The following SIK2 variants were observed in gnomAD, a reference collection of about 807,000 sequenced individuals.
SIK2 encodes salt inducible kinase 2.
In SIK2, 29 loss-of-function variants were observed where a neutral mutation model predicts 103.2. That is an observed-to-expected ratio of 0.28 (90% CI 0.21 to 0.38). The LOEUF (loss-of-function observed/expected upper bound fraction) is 0.38, where lower values mean the gene tolerates loss of function less well. Among genes scored for constraint, SIK2 ranks in the 10% least tolerant of loss-of-function variants. The pLI is 1.00. For missense variants in SIK2, 879 were observed against 1,171.0 expected (o/e 0.75, Z 3.64); for synonymous variants, 412 against 446.1 (o/e 0.92, Z 0.96).
In SIK2 at chr11:111,696,278, G is replaced by A. The variant is rs183105186; in HGVS notation, c.479-4608G>A. On this transcript the variant is annotated intron_variant, in intron 4 of 14. Transcript: ENST00000304987. ...TGTGACAAAACTCATGAAATGTTAAGTCTGTAGTTTAATTAATAGTAGTGA... is the reference window on the plus strand; with the variant it reads ...TGTGACAAAACTCATGAAATGTTAAATCTGTAGTTTAATTAATAGTAGTGA... 2.0e-3 allele frequency among the ~76,000 whole-genome samples: 306 copies of A among 152,290 alleles called. 3 individuals carry two copies. Among genetic ancestry groups the A allele is most frequent in the African/African-American group, 7.1e-3 (295 of 41,572 alleles).
At chr11:111,665,260 A>C (rs1942520848) in intron 3 of SIK2, among the ~76,000 whole-genome samples, 1 of 151,966 alleles carries the variant, frequency 6.6e-6, no homozygotes, top group South Asian at 2.1e-4. Context: ...AGCCTGGGCA[A>C]CATGGCGAAA....
intron 1 of SIK2, among the ~76,000 whole-genome samples, chr11:111,608,468 T>C (rs1941677087): frequency 6.6e-6 from 1 of 152,180 alleles, no homozygotes; most frequent in African/African-American, 2.4e-5. Flanking sequence ...TTACTTCCAC[T>C]CTCCAGACCC....
intron 4 of SIK2, among the ~76,000 whole-genome samples, chr11:111,697,153 A>G (rs1943095846): frequency 6.6e-6 from 1 of 152,238 alleles, no homozygotes; most frequent in African/African-American, 2.4e-5. Context: ...GCAACTTAGT[A>G]GCTAGCTGTA....
chr11:111,666,826 A>G (rs1352468054), intron 3 of SIK2, among the ~76,000 whole-genome samples: 3 of 152,198 alleles, frequency 2.0e-5, no homozygotes, highest in African/African-American at 7.2e-5. Flanking sequence ...CCTGGGCATA[A>G]TAATAGCAGA....
chr11:111,620,274 G>A (rs564521928), intron 2 of SIK2, 65 bp from the exon 3 acceptor site: 18 of 1,031,994 alleles, frequency 1.7e-5, no homozygotes, highest in East Asian at 1.3e-4. Context: ...TAGGTAACTC[G>A]ATAGAATATT....
At position 111,616,372 on chromosome 11, in the gene SIK2, C is replaced by T. The variant is rs1941806371; in HGVS notation, c.252+13C>T. ...CAAACTTTATCAGGTATGACTCAGC[C>T]TAACACTATCTCCATTCATTCCACA... On this transcript the variant is annotated intron_variant, in intron 2 of 14. Transcript: ENST00000304987. 1.5e-6 allele frequency: 2 copies of T among 1,378,316 alleles called. No homozygotes were observed. The highest frequency in any genetic ancestry group is 1.2e-5 in the South Asian group (1 of 86,300). The allele number at this position is 1,378,316 out of a possible 1,614,324, so 85.4% of individuals were successfully genotyped here.
chr11:111,663,248 T>C (rs1380753283), intron 3 of SIK2, among the ~76,000 whole-genome samples: 1 of 138,346 alleles, frequency 7.2e-6, no homozygotes, highest in Non-Finnish European at 1.6e-5. Flanking sequence ...AAAAAAAAAA[T>C]AGTAGGGTAA....
chr11:111,617,904 A>G (rs1403594778), intron 2 of SIK2, among the ~76,000 whole-genome samples: 1 of 151,846 alleles, frequency 6.6e-6, no homozygotes, highest in Non-Finnish European at 1.5e-5. Context: ...TTTATTTTTA[A>G]TGGATTCCCA....
rs527865297 is a variant in SIK2, at chr11:111,631,447, T to A, written c.316+11045T>A. Among the ~76,000 whole-genome samples the A allele has an allele frequency of 1.2e-4, 18 of 152,042 alleles. No homozygotes were observed. The South Asian group carries it at 3.5e-3, about 30-fold the overall frequency. ...AGACAATATGAATGAATGGCCCAGGTTGAGGATTAGAATGGTGGAAGATGA... is the reference window on the plus strand; with the variant it reads ...AGACAATATGAATGAATGGCCCAGGATGAGGATTAGAATGGTGGAAGATGA... On this transcript the variant is annotated intron_variant, in intron 3 of 14. Transcript: ENST00000304987.
intron 3 of SIK2, among the ~76,000 whole-genome samples, chr11:111,641,926 T>A (rs10891281): frequency 0.33 from 49,427 of 151,962 alleles, 9,654 homozygotes; most frequent in East Asian, 0.71. Flanking sequence ...GAGTCTCAGG[T>A]TCTCATTTGT....
At chr11:111,621,335 G>A (rs182099324) in intron 3 of SIK2, among the ~76,000 whole-genome samples, 81 of 152,272 alleles carry the variant, frequency 5.3e-4, no homozygotes, top group Non-Finnish European at 8.8e-4. Flanking sequence ...ATACTCAAAT[G>A]TAATCATACA....
chr11:111,726,638 G>A lies in SIK2; in HGVS notation c.*2509G>A. ...GTCAGGTGTTTGCTCAGCCCTGTCTGATCACCTGTGCTGCTCTGTCCCTAA... is the reference window on the plus strand; with the variant it reads ...GTCAGGTGTTTGCTCAGCCCTGTCTAATCACCTGTGCTGCTCTGTCCCTAA... On this transcript the variant is annotated 3_prime_UTR_variant, in exon 15 of 15. Transcript: ENST00000304987. The A allele has an allele frequency of 3.3e-6, 1 of 305,874 alleles. No homozygotes were observed. The highest frequency in any genetic ancestry group is 2.1e-5 in the African/African-American group (1 of 48,070). 18.9% of individuals were successfully genotyped at this position (305,874 alleles called of 1,614,324 possible).
chr11:111,730,608 T>C lies in SIK2; in HGVS notation c.*6479T>C, dbSNP rs1944157650. Reference sequence around the variant, plus strand: ...TTTCTGTGTGCTTTTTTTTAATTACTAAGAAAAAAATTGGTGAGTTCAGTA... The same window carrying C: ...TTTCTGTGTGCTTTTTTTTAATTACCAAGAAAAAAATTGGTGAGTTCAGTA... On this transcript the variant is annotated 3_prime_UTR_variant, in exon 15 of 15. Transcript: ENST00000304987. 1 of 151,992 alleles carries C rather than the reference T, an allele frequency of 6.6e-6. No individual in the cohort carries two copies. The highest frequency in any genetic ancestry group is 1.5e-5 in the Non-Finnish European group (1 of 67,994). The allele number at this position is 151,992 out of a possible 1,614,324, so 9.4% of individuals were successfully genotyped here.
At chr11:111,647,562 G>A (rs1274376506) in intron 3 of SIK2, among the ~76,000 whole-genome samples, 12 of 62,900 alleles carry the variant, frequency 1.9e-4, no homozygotes, top group African/African-American at 5.2e-4. Flanking sequence ...CCCCCATCTC[G>A]AAAAAAAAAA....
intron 9 of SIK2, among the ~76,000 whole-genome samples, chr11:111,716,644 TC>T (rs1943649663): frequency 6.6e-6 from 1 of 152,228 alleles, no homozygotes; most frequent in South Asian, 2.1e-4. Flanking sequence ...TTTCTAGCTG[TC>T]CCAGGATAAA....
chr11:111,686,819 A>G (rs932547250), intron 3 of SIK2, among the ~76,000 whole-genome samples: 9 of 152,188 alleles, frequency 5.9e-5, no homozygotes, highest in African/African-American at 2.2e-4. Context: ...CTTACAGTTG[A>G]GAGAATATGG....
At chr11:111,647,892 C>T (rs1942278779) in intron 3 of SIK2, among the ~76,000 whole-genome samples, 1 of 151,954 alleles carries the variant, frequency 6.6e-6, no homozygotes, top group Non-Finnish European at 1.5e-5. Flanking sequence ...AGAAAAACCT[C>T]CTTTTTTGTC....
intron 4 of SIK2, among the ~76,000 whole-genome samples, chr11:111,690,427 T>G (rs1942917907): frequency 6.6e-6 from 1 of 151,732 alleles, no homozygotes. Context: ...GAGAACTATT[T>G]TATTTATTTT....
chr11:111,713,796 G>A lies in SIK2; in HGVS notation c.1266+1421G>A, dbSNP rs147563574. Reference sequence around the variant, plus strand: ...AGCGTGGCCAACATGGCGAAACTCCGTCTCTACTAAAAATACAAAAATTAG... The same window carrying A: ...AGCGTGGCCAACATGGCGAAACTCCATCTCTACTAAAAATACAAAAATTAG... On this transcript the variant is annotated intron_variant, in intron 9 of 14. Transcript: ENST00000304987. Among the ~76,000 whole-genome samples the A allele has an allele frequency of 5.9e-5, 9 of 152,194 alleles. No individual in the cohort carries two copies. The East Asian group carries it at 1.4e-3, about 23-fold the overall frequency.
Sources: gnomAD v4.1 joint callset for allele counts (sites outside exome capture counted in the v4.1 genomes callset) on GRCh38, gnomAD v4.1.1 for gene constraint, MANE v1.5 for transcripts, NCBI Gene and HGNC (gene_info 2026-07-23, HGNC 2026-07-21) for gene names.